Variants in EPHX4 observed in about 807,000 individuals in gnomAD.
EPHX4 encodes abhydrolase domain containing 7.
EPHX4 carries 31 observed loss-of-function variants against 44.9 expected under a neutral mutation model. The observed-to-expected ratio is 0.69, with a 90% CI of 0.52 to 0.93. The LOEUF is 0.93. Ranked by LOEUF, EPHX4 falls within the 40% of genes least tolerant of loss-of-function variation. The pLI is 0.00. For synonymous variants in EPHX4, 151 were observed against 159.7 expected (o/e 0.95, Z 0.41); for missense variants, 373 against 438.1 (o/e 0.85, Z 1.33).
intron 6 of EPHX4, among the ~76,000 whole-genome samples, chr1:92,055,800 A>G (rs1647354951): frequency 6.6e-6 from 1 of 152,190 alleles, no homozygotes. Flanking sequence ...GACGAGAATG[A>G]CAGTTTTCAA....
chr1:92,057,716 C>T (rs763887352), intron 6 of EPHX4, among the ~76,000 whole-genome samples: 41 of 152,028 alleles, frequency 2.7e-4, no homozygotes, highest in Non-Finnish European at 4.1e-4. Context: ...TCTGCTGCCT[C>T]AGCCTCCCGA....
At position 92,063,463 on chromosome 1, in the gene EPHX4, A is replaced by G; in HGVS notation, c.*177A>G. ...CTGAGATCATGTGAACATATAATAC[A>G]ATGTTGATTTTCTTCTGGTGTATTT... On this transcript the variant is annotated 3_prime_UTR_variant, in exon 7 of 7. Coordinates refer to ENST00000370383, the MANE Select transcript of EPHX4 (RefSeq NM_173567.5). The G allele has an allele frequency of 1.2e-5, 6 of 500,182 alleles. No homozygotes were observed. The highest frequency in any genetic ancestry group is 3.2e-5 in the East Asian group (1 of 31,066). 31.0% of individuals were successfully genotyped at this position (500,182 alleles called of 1,614,324 possible). A position where few individuals can be genotyped will look rare whatever the true frequency, so the allele number is the denominator to read the frequency against.
chr1:92,042,876 C>T lies in EPHX4; in HGVS notation c.371C>T (p.Ala124Val), dbSNP rs1688529420. ...TTTAAAAGTGAATATCGAGTTGTAG[C>T]ACTGGATTTGAGAGGTTATGGAGAA... is the stretch of plus-strand genomic sequence containing the variant. ...REFKSEYRVVALDLRGYGETD... is the reference protein window; with the variant it reads ...REFKSEYRVVVLDLRGYGETD... The change falls in exon 3 of 7, where the codon GCA (alanine) becomes GTA (valine). Residue 124 changes from alanine to valine, a missense_variant. By Grantham distance (64) the Ala-to-Val change is moderately conservative. Coordinates refer to ENST00000370383, the MANE Select transcript of EPHX4 (RefSeq NM_173567.5). 1 of 1,613,402 alleles carries T rather than the reference C, an allele frequency of 6.2e-7. No individual in the cohort carries two copies. The highest frequency in any genetic ancestry group is 8.5e-7 in the Non-Finnish European group (1 of 1,179,762).
At chr1:92,030,683 T>C (rs1317112129) in intron 1 of EPHX4, among the ~76,000 whole-genome samples, 2 of 152,054 alleles carry the variant, frequency 1.3e-5, no homozygotes, top group Admixed American at 6.5e-5. Context: ...TTTTGCCCTT[T>C]AGAGCTCAGA....
intron 2 of EPHX4, among the ~76,000 whole-genome samples, chr1:92,039,306 G>A (rs573622340): frequency 1.6e-4 from 24 of 152,308 alleles, no homozygotes; most frequent in Admixed American, 5.2e-4. Flanking sequence ...GAATGAAAGC[G>A]ACACACTTAG....
intron 6 of EPHX4, among the ~76,000 whole-genome samples, chr1:92,060,403 G>A (rs1197385954): frequency 6.6e-6 from 1 of 150,666 alleles, no homozygotes; most frequent in African/African-American, 2.4e-5. Flanking sequence ...TGGAGTGCCA[G>A]TGCACTCTAG....
intron 2 of EPHX4, among the ~76,000 whole-genome samples, chr1:92,037,835 G>A (rs1237104207): frequency 2.6e-5 from 4 of 152,176 alleles, no homozygotes; most frequent in Non-Finnish European, 5.9e-5. Flanking sequence ...GATGAAAATA[G>A]TTTTGCTTAT....
At chr1:92,059,399 G>C (rs981152140) in intron 6 of EPHX4, among the ~76,000 whole-genome samples, 2 of 151,974 alleles carry the variant, frequency 1.3e-5, no homozygotes, top group Non-Finnish European at 2.9e-5. Context: ...ATCCGTCACT[G>C]CACTCCAGCC....
intron 2 of EPHX4, among the ~76,000 whole-genome samples, chr1:92,034,642 CT>C (rs1431611645): frequency 1.0e-5 from 1 of 95,446 alleles, no homozygotes; most frequent in Admixed American, 1.5e-4. Context: ...CCTTAAGACG[CT>C]TCTTTTTTTT....
rs10646888 is a variant in EPHX4, at chr1:92,040,176, A to ATTTTT, written c.318-2632_318-2628dup. Reference sequence around the variant, plus strand: ...ATAAGGTGGTTGATTTGTTACAATGATTTTTTTTTTTTTTTTTTTGGCAGG... The same window carrying ATTTTT: ...ATAAGGTGGTTGATTTGTTACAATGATTTTTTTTTTTTTTTTTTTTTTTTGGCAGG... On this transcript the variant is annotated intron_variant, in intron 2 of 6. Transcript: ENST00000370383. Among the ~76,000 whole-genome samples the ATTTTT allele has an allele frequency of 1.1e-4, 12 of 112,132 alleles. 1 individual carries two copies. Among genetic ancestry groups the ATTTTT allele is most frequent in the Non-Finnish European group, 1.4e-4 (8 of 58,870 alleles). The allele number at this position is 112,132 out of a possible 152,430, so 73.6% of individuals were successfully genotyped here. A position where few individuals can be genotyped will look rare whatever the true frequency, so the allele number is the denominator to read the frequency against.
intron 1 of EPHX4, among the ~76,000 whole-genome samples, 175 bp downstream of exon 1, chr1:92,030,485 T>TGTGTGTGTGTGTGTGTGTGAGAGA (rs1326928763): frequency 1.4e-5 from 2 of 138,650 alleles, no homozygotes; most frequent in African/African-American, 5.5e-5. Flanking sequence ...TGTGTGTGTG[T>TGTGTGTGTGTGTGTGTGTGAGAGA]GAGAGAGAGA....
rs1326928763 is a variant in EPHX4, at chr1:92,030,485, T to TGTGTGTGTGTGTGTGTGA, written c.231+176_231+177insTGTGTGTGTGTGTGTGAG. On this transcript the variant is annotated intron_variant, in intron 1 of 6. Transcript: ENST00000370383. ...GTGTGTGTGTGTGTGTGTGTGTGTG[T>TGTGTGTGTGTGTGTGTGA]GAGAGAGAGAGAGAGAGAGAGAGAT... Among the ~76,000 whole-genome samples the TGTGTGTGTGTGTGTGTGA allele has an allele frequency of 6.7e-4, 93 of 138,688 alleles. 1 individual carries two copies. The highest frequency in any genetic ancestry group is 3.6e-3 in the Middle Eastern group (1 of 278). The allele number at this position is 138,688 out of a possible 152,430, so 91.0% of individuals were successfully genotyped here.
chr1:92,040,062 T>C (rs556167245), intron 2 of EPHX4, among the ~76,000 whole-genome samples: 40 of 152,318 alleles, frequency 2.6e-4, no homozygotes, highest in African/African-American at 9.4e-4. Flanking sequence ...TGGCAGATTT[T>C]CATAAATCAT....
At chr1:92,032,019 C>T (rs1038908226) in intron 1 of EPHX4, among the ~76,000 whole-genome samples, 3 of 152,084 alleles carry the variant, frequency 2.0e-5, no homozygotes, top group Non-Finnish European at 2.9e-5. Flanking sequence ...CAGCTCTTGA[C>T]GGGCAAGCTG....
At chr1:92,041,082 T>C (rs752894136) in intron 2 of EPHX4, among the ~76,000 whole-genome samples, 16 of 152,216 alleles carry the variant, frequency 1.1e-4, no homozygotes, top group South Asian at 8.3e-4. Flanking sequence ...TGGTTTTGCT[T>C]ATTTGAAGAA....
intron 2 of EPHX4, among the ~76,000 whole-genome samples, chr1:92,036,249 A>G (rs1301892933): frequency 1.3e-5 from 2 of 152,214 alleles, no homozygotes; most frequent in Non-Finnish European, 2.9e-5. Context: ...CAATATACAC[A>G]AAGATAAAAA....
At chr1:92,042,158 G>A (rs952508947) in intron 2 of EPHX4, among the ~76,000 whole-genome samples, 9 of 150,886 alleles carry the variant, frequency 6.0e-5, no homozygotes, top group Non-Finnish European at 1.0e-4. Flanking sequence ...CCAGGAGTTC[G>A]AGACCAGCCT....
chr1:92,042,693 C>G, intron 2 of EPHX4, 130 bp from the exon 3 acceptor site: 1 of 831,566 alleles, frequency 1.2e-6, no homozygotes, highest in Non-Finnish European at 1.8e-6. Flanking sequence ...CCACTGCACT[C>G]CAGCCTGGGT....
At chr1:92,031,556 T>G (rs1688360480) in intron 1 of EPHX4, among the ~76,000 whole-genome samples, 1 of 152,202 alleles carries the variant, frequency 6.6e-6, no homozygotes, top group South Asian at 2.1e-4. Flanking sequence ...AGCCCTGCTC[T>G]CAACCATTTT....
Sources: gnomAD v4.1 joint callset for allele counts (sites outside exome capture counted in the v4.1 genomes callset) on GRCh38, gnomAD v4.1.1 for gene constraint, MANE v1.5 for transcripts, NCBI Gene and HGNC (gene_info 2026-07-23, HGNC 2026-07-21) for gene names.